The following ZNF600 variants were observed in gnomAD, a reference collection of about 807,000 sequenced individuals.
ZNF600 encodes zinc finger protein 600.
ZNF600 carries 4 observed loss-of-function variants against 7.3 expected under a neutral mutation model. The ratio of observed to expected loss-of-function variants is 0.55; its 90% CI spans 0.27 to 1.25. The LOEUF (loss-of-function observed/expected upper bound fraction) is 1.25. ZNF600 is among the 50% of genes most tolerant of loss of function. The pLI is 0.12. For missense variants in ZNF600, 911 were observed against 922.1 expected (o/e 0.99, Z 0.16); for synonymous variants, 290 against 308.9 (o/e 0.94, Z 0.64).
the ZNF600 span, among the ~76,000 whole-genome samples, chr19:52,830,631 C>T: frequency 1.5e-3 from 233 of 152,124 alleles, 2 homozygotes; most frequent in African/African-American, 5.5e-3. Flanking sequence ...CCTGCACACA[C>T]TGATTTAAGC....
At chr19:52,800,806 T>C in the ZNF600 span, 18 of 1,614,128 alleles carry the variant, frequency 1.1e-5, no homozygotes, top group South Asian at 1.9e-4. Flanking sequence ...GTGTGAATTA[T>C]AGTATGTTTT....
At chr19:52,827,880 G>A in the ZNF600 span, among the ~76,000 whole-genome samples, 1 of 152,014 alleles carries the variant, frequency 6.6e-6, no homozygotes, top group Non-Finnish European at 1.5e-5. Context: ...GAGAGGGAAT[G>A]ACAGAAGGCA....
intron 2 of ZNF600, among the ~76,000 whole-genome samples, chr19:52,776,334 A>C (rs1001845732): frequency 5.3e-5 from 8 of 152,256 alleles, no homozygotes; most frequent in East Asian, 3.9e-4. Flanking sequence ...ACAAAGGTCC[A>C]AGGGTAAGAA....
At chr19:52,816,949 C>A in the ZNF600 span, among the ~76,000 whole-genome samples, 1 of 151,606 alleles carries the variant, frequency 6.6e-6, no homozygotes, top group African/African-American at 2.4e-5. Context: ...AAATTGCAAC[C>A]ACTTTTACCA....
chr19:52,794,438 G>C, the ZNF600 span, among the ~76,000 whole-genome samples: 1 of 152,096 alleles, frequency 6.6e-6, no homozygotes, highest in Non-Finnish European at 1.5e-5. Context: ...CTGTTGTTAC[G>C]AGCAGGAGAC....
the ZNF600 span, among the ~76,000 whole-genome samples, chr19:52,802,587 T>C: frequency 1.3e-5 from 2 of 151,626 alleles, no homozygotes; most frequent in African/African-American, 4.8e-5. Flanking sequence ...TGAGTCAGGA[T>C]AATCGCTTGA....
At chr19:52,792,926 C>T in the ZNF600 span, among the ~76,000 whole-genome samples, 3 of 151,642 alleles carry the variant, frequency 2.0e-5, no homozygotes, top group Admixed American at 1.3e-4. Context: ...TTAGTAGAGA[C>T]AGGGTTTCAC....
chr19:52,767,052 C>A, exon 4 of ZNF600: 3 of 1,614,050 alleles, frequency 1.9e-6, no homozygotes, highest in South Asian at 1.1e-5. Flanking sequence ...TCTACGATGG[C>A]ATGTAAGGGA....
chr19:52,811,555 G>T, the ZNF600 span, among the ~76,000 whole-genome samples: 1 of 149,060 alleles, frequency 6.7e-6, no homozygotes, highest in Non-Finnish European at 1.5e-5. Flanking sequence ...CCCTGTCTGG[G>T]ATGTGAGGAG....
At chr19:52,826,242 A>T in the ZNF600 span, among the ~76,000 whole-genome samples, 1 of 152,190 alleles carries the variant, frequency 6.6e-6, no homozygotes, top group Non-Finnish European at 1.5e-5. Flanking sequence ...CACTGATGTT[A>T]CCTCCACTTT....
chr19:52,776,497 G>T (rs937678641), intron 2 of ZNF600, among the ~76,000 whole-genome samples: 2 of 151,022 alleles, frequency 1.3e-5, no homozygotes, highest in African/African-American at 2.4e-5. Context: ...CTGCAACCTC[G>T]GCCACCCAGG....
At chr19:52,818,088 A>G in the ZNF600 span, 11 of 1,453,976 alleles carry the variant, frequency 7.6e-6, no homozygotes, top group African/African-American at 1.4e-4. Flanking sequence ...CCTCCCTGTA[A>G]CACAACAACA....
chr19:52,818,666 CA>C, the ZNF600 span, among the ~76,000 whole-genome samples: 2 of 152,012 alleles, frequency 1.3e-5, no homozygotes, highest in African/African-American at 4.8e-5. Context: ...AAGATCGCGC[CA>C]CTCCACTCCT....
At chr19:52,815,091 A>G in the ZNF600 span, among the ~76,000 whole-genome samples, 1 of 88,176 alleles carries the variant, frequency 1.1e-5, no homozygotes, top group African/African-American at 3.9e-5. Flanking sequence ...ATGTGTGTGT[A>G]TATATATATT....
At chr19:52,821,929 T>TA in the ZNF600 span, among the ~76,000 whole-genome samples, 484 of 92,218 alleles carry the variant, frequency 5.2e-3, 2 homozygotes, top group African/African-American at 0.017. Context: ...AATAAAAAAA[T>TA]AATAAAAAAA....
the ZNF600 span, chr19:52,805,707 G>A: frequency 6.8e-6 from 1 of 147,176 alleles, no homozygotes; most frequent in Non-Finnish European, 1.5e-5. Flanking sequence ...GATAGGCCAA[G>A]CATCGTGGTT....
the ZNF600 span, among the ~76,000 whole-genome samples, chr19:52,796,792 T>C: frequency 1.3e-5 from 2 of 152,192 alleles, no homozygotes. Context: ...ATATTTCTTC[T>C]TGTTTCAATT....
intron 3 of ZNF600, among the ~76,000 whole-genome samples, chr19:52,768,431 C>G (rs1324610345): frequency 2.1e-5 from 3 of 146,212 alleles, no homozygotes; most frequent in Non-Finnish European, 4.5e-5. Context: ...CAAAGTGAGA[C>G]TCCACCTCAA....
chr19:52,822,808 G>A, the ZNF600 span, among the ~76,000 whole-genome samples: 1 of 152,168 alleles, frequency 6.6e-6, no homozygotes, highest in African/African-American at 2.4e-5. Context: ...GCCGTCTCTA[G>A]TGAGGCTGCT....
Sources: gnomAD v4.1 joint callset for allele counts (sites outside exome capture counted in the v4.1 genomes callset) on GRCh38, gnomAD v4.1.1 for gene constraint, MANE v1.5 for transcripts, NCBI Gene and HGNC (gene_info 2026-07-23, HGNC 2026-07-21) for gene names.